Variants in LPAR1 observed in about 807,000 individuals in gnomAD.
LPAR1 encodes lysophosphatidic acid receptor 1.
In LPAR1, 5 loss-of-function variants were observed where a neutral mutation model predicts 23.8. The observed-to-expected ratio is 0.21, with a 90% CI of 0.11 to 0.44. LPAR1 has a LOEUF of 0.44. Among genes scored for constraint, LPAR1 ranks in the 20% least tolerant of loss-of-function variants. The probability of loss-of-function intolerance (pLI) is 0.99; values close to 1 mark genes in which losing one functional copy is unlikely to be tolerated. For synonymous variants in LPAR1, 160 were observed against 164.7 expected, an observed-to-expected ratio of 0.97 and a Z score of 0.22; for missense variants, 311 against 482.8, an observed-to-expected ratio of 0.64 and a Z score of 3.33.
At chr9:110,963,882 T>C (rs1392987917) in intron 4 of LPAR1, among the ~76,000 whole-genome samples, 2 of 152,248 alleles carry the variant, frequency 1.3e-5, no homozygotes, top group Non-Finnish European at 2.9e-5. Context: ...CCAGCTATGG[T>C]GTATAACAGT....
At chr9:110,875,764 A>G (rs765164437) in intron 5 of LPAR1, 42 bp from the exon 6 acceptor site, 1 of 1,133,536 alleles carries the variant, frequency 8.8e-7, no homozygotes, top group African/African-American at 1.6e-5. Context: ...TTTTAAAAAG[A>G]GAATGAAAAA....
chr9:111,002,274 A>T (rs1038136119), intron 2 of LPAR1, among the ~76,000 whole-genome samples: 1 of 152,170 alleles, frequency 6.6e-6, no homozygotes, highest in African/African-American at 2.4e-5. Context: ...TCATAATAAA[A>T]CTGTTTAATT....
At chr9:110,877,474 G>T (rs2079419209) in intron 5 of LPAR1, among the ~76,000 whole-genome samples, 3 of 152,146 alleles carry the variant, frequency 2.0e-5, no homozygotes, top group Admixed American at 1.3e-4. Context: ...TTCATTCCAA[G>T]TCCTTGAATT....
At chr9:111,024,119 C>T (rs1588914154) in intron 2 of LPAR1, among the ~76,000 whole-genome samples, 2 of 152,128 alleles carry the variant, frequency 1.3e-5, no homozygotes, top group African/African-American at 4.8e-5. Context: ...ATGCACAATG[C>T]ATACCACACC....
intron 4 of LPAR1, among the ~76,000 whole-genome samples, chr9:110,968,204 C>T (rs895068282): frequency 5.3e-5 from 8 of 152,156 alleles, no homozygotes; most frequent in Non-Finnish European, 1.2e-4. Flanking sequence ...TATAACCTAA[C>T]CCATTTATGC....
intron 4 of LPAR1, among the ~76,000 whole-genome samples, chr9:110,944,417 T>C (rs1233567822): frequency 6.6e-6 from 1 of 152,246 alleles, no homozygotes; most frequent in East Asian, 1.9e-4. Flanking sequence ...GTTTAAACTT[T>C]ACAAATTTTC....
chr9:110,983,200 A>G (rs2096709940), intron 2 of LPAR1, among the ~76,000 whole-genome samples: 2 of 152,094 alleles, frequency 1.3e-5, no homozygotes, highest in Admixed American at 6.6e-5. Flanking sequence ...TCAAAGAGAT[A>G]TTTGTATACC....
At chr9:110,908,435 T>C (rs887902868) in intron 5 of LPAR1, among the ~76,000 whole-genome samples, 5 of 151,874 alleles carry the variant, frequency 3.3e-5, no homozygotes, top group South Asian at 4.1e-4. Context: ...TCATAAAGTA[T>C]TAAAACAGAA....
intron 5 of LPAR1, among the ~76,000 whole-genome samples, chr9:110,899,162 T>A (rs768302): frequency 6.6e-6 from 1 of 151,990 alleles, no homozygotes; most frequent in Non-Finnish European, 1.5e-5. Flanking sequence ...ATATAGGATA[T>A]TTAGGATGAG....
At chr9:111,020,135 T>A (rs983166074) in intron 2 of LPAR1, among the ~76,000 whole-genome samples, 2 of 152,188 alleles carry the variant, frequency 1.3e-5, no homozygotes, top group Non-Finnish European at 2.9e-5. Flanking sequence ...CTAAAAGCCT[T>A]ATCTCCAAAT....
At chr9:110,980,762 T>A (rs73541418) in intron 2 of LPAR1, among the ~76,000 whole-genome samples, 26,023 of 151,928 alleles carry the variant, frequency 0.17, 2,364 homozygotes, top group South Asian at 0.27. Flanking sequence ...TTTTTTCAAA[T>A]AGCTAGAAGA....
chr9:110,955,138 C>A (rs1249949681), intron 4 of LPAR1, among the ~76,000 whole-genome samples: 1 of 152,136 alleles, frequency 6.6e-6, no homozygotes, highest in Non-Finnish European at 1.5e-5. Context: ...AAAGATACAG[C>A]CTGGCTGAAT....
At chr9:111,037,871 G>A (rs1328163823) in intron 1 of LPAR1, 1 of 152,188 alleles carries the variant, frequency 6.6e-6, no homozygotes, top group Non-Finnish European at 1.5e-5. Flanking sequence ...CGGCGGCCCG[G>A]GCGGCTGCGG....
At chr9:111,028,458 G>GT (rs1432830064) in intron 2 of LPAR1, among the ~76,000 whole-genome samples, 1 of 151,950 alleles carries the variant, frequency 6.6e-6, no homozygotes, top group Non-Finnish European at 1.5e-5. Context: ...AGCATATACT[G>GT]TTTTTTCCTA....
chr9:110,981,080 C>T (rs1023119918), intron 2 of LPAR1, among the ~76,000 whole-genome samples: 4 of 152,034 alleles, frequency 2.6e-5, no homozygotes, highest in African/African-American at 7.2e-5. Context: ...AAGGAAACTA[C>T]CTTACCATCA....
chr9:110,905,028 T>G (rs2090737717), intron 5 of LPAR1, among the ~76,000 whole-genome samples: 1 of 152,210 alleles, frequency 6.6e-6, no homozygotes, highest in Non-Finnish European at 1.5e-5. Context: ...AATTATTCAT[T>G]TCTTTCCCAC....
At chr9:110,878,789 C>G (rs1244992229) in intron 5 of LPAR1, among the ~76,000 whole-genome samples, 3 of 152,124 alleles carry the variant, frequency 2.0e-5, no homozygotes, top group African/African-American at 7.2e-5. Flanking sequence ...AGGATAGATT[C>G]TCCAAGGGCA....
intron 2 of LPAR1, among the ~76,000 whole-genome samples, chr9:110,992,626 T>A (rs1409344020): frequency 6.6e-6 from 1 of 152,130 alleles, no homozygotes; most frequent in African/African-American, 2.4e-5. Flanking sequence ...TTGTTATGTA[T>A]CCATAAAACA....
intron 5 of LPAR1, among the ~76,000 whole-genome samples, chr9:110,934,821 A>AAC (rs34585506): frequency 0.02 from 3,011 of 149,108 alleles, 45 homozygotes; most frequent in African/African-American, 0.042. Flanking sequence ...CACACACACA[A>AAC]ACACACACAC....
Sources: gnomAD v4.1 joint callset for allele counts (sites outside exome capture counted in the v4.1 genomes callset) on GRCh38, gnomAD v4.1.1 for gene constraint, MANE v1.5 for transcripts, NCBI Gene and HGNC (gene_info 2026-07-23, HGNC 2026-07-21) for gene names.